LYRM4: variants seen among roughly 807,000 people sequenced by gnomAD.
LYRM4 encodes the protein LYR motif-containing protein 4.
LYRM4 carries 9 observed loss-of-function variants against 11.7 expected under a neutral mutation model. The ratio of observed to expected loss-of-function variants is 0.77; its 90% CI spans 0.46 to 1.34. The LOEUF (loss-of-function observed/expected upper bound fraction) is 1.34, where lower values mean the gene tolerates loss of function less well. LYRM4 is among the 40% of genes most tolerant of loss of function. LYRM4 has a pLI of 0.00. For missense variants in LYRM4, 133 were observed against 112.5 expected (o/e 1.18, Z -0.82); for synonymous variants, 42 against 40.4 (o/e 1.04, Z -0.15).
At chr6:5,106,005 G>A (rs924199642), downstream of LYRM4, 3 of 152,258 alleles carry the variant, frequency 2.0e-5, no homozygotes, top group African/African-American at 7.2e-5. Flanking sequence ...GGCTTTGCAT[G>A]TGCTGTTCCT....
intron 1 of LYRM4, among the ~76,000 whole-genome samples, chr6:5,252,122 C>A (rs1009940335): frequency 3.9e-5 from 6 of 152,282 alleles, no homozygotes; most frequent in Middle Eastern, 3.4e-3. Context: ...ACTCATGAAA[C>A]TAGGGAGCCT....
intron 1 of LYRM4, among the ~76,000 whole-genome samples, chr6:5,219,226 A>G (rs1488279799): frequency 2.6e-5 from 4 of 152,198 alleles, no homozygotes; most frequent in African/African-American, 7.2e-5. Flanking sequence ...GTTTAAGGAA[A>G]TGAGAAAATA....
chr6:5,216,925 T>A (rs997074120), intron 1 of LYRM4, among the ~76,000 whole-genome samples, 187 bp from the exon 2 acceptor site: 1 of 152,242 alleles, frequency 6.6e-6, no homozygotes, highest in Admixed American at 6.5e-5. Flanking sequence ...CAAACAGATT[T>A]AGGAAAATAA....
intron 2 of LYRM4, among the ~76,000 whole-genome samples, chr6:5,171,687 A>C (rs997348135): frequency 6.6e-6 from 1 of 152,208 alleles, no homozygotes; most frequent in Non-Finnish European, 1.5e-5. Context: ...TAAGAGTCTA[A>C]CGTGCTGACA....
downstream of LYRM4, among the ~76,000 whole-genome samples, chr6:5,100,407 C>G (rs1762463715): frequency 6.6e-6 from 1 of 152,320 alleles, no homozygotes; most frequent in Admixed American, 6.5e-5. Flanking sequence ...TCTCTTCTCC[C>G]CTGTCTACAT....
the LYRM4 span, among the ~76,000 whole-genome samples, chr6:5,079,560 C>T: frequency 5.9e-5 from 9 of 152,084 alleles, no homozygotes; most frequent in Admixed American, 2.0e-4. Context: ...TCATAGGAAG[C>T]GTCACATATT....
intron 2 of LYRM4, among the ~76,000 whole-genome samples, chr6:5,138,545 T>A (rs535050180): frequency 7.5e-6 from 1 of 133,700 alleles, no homozygotes; most frequent in African/African-American, 2.9e-5. Context: ...CTTAAAGAAT[T>A]TTTATCAGTA....
chr6:5,214,249 A>G (rs199944642), intron 2 of LYRM4, among the ~76,000 whole-genome samples: 20 of 103,994 alleles, frequency 1.9e-4, no homozygotes, highest in Non-Finnish European at 4.1e-4. Flanking sequence ...GTGTGGTCCC[A>G]GGGGGGCCCC....
At chr6:5,150,085 G>A (rs1315490963) in intron 2 of LYRM4, among the ~76,000 whole-genome samples, 1 of 152,180 alleles carries the variant, frequency 6.6e-6, no homozygotes, top group East Asian at 1.9e-4. Context: ...CCTTGTTTCA[G>A]GCTACAGTAA....
At chr6:5,076,296 T>C in the LYRM4 span, among the ~76,000 whole-genome samples, 5 of 152,194 alleles carry the variant, frequency 3.3e-5, no homozygotes, top group African/African-American at 1.2e-4. Context: ...TTTTTGTTTG[T>C]TTCCCTTTGA....
intron 2 of LYRM4, among the ~76,000 whole-genome samples, chr6:5,122,713 C>T (rs1763513731): frequency 6.6e-6 from 1 of 152,230 alleles, no homozygotes; most frequent in Admixed American, 6.5e-5. Context: ...GGCAGCTGTC[C>T]TACCTCTGCG....
chr6:5,191,884 A>G (rs1020917936), intron 2 of LYRM4, among the ~76,000 whole-genome samples: 130 of 152,332 alleles, frequency 8.5e-4, no homozygotes, highest in African/African-American at 3.0e-3. Context: ...GAAGAATGCC[A>G]TATTACTTAC....
chr6:5,194,389 T>C (rs1760936187), intron 2 of LYRM4, among the ~76,000 whole-genome samples: 1 of 152,156 alleles, frequency 6.6e-6, no homozygotes, highest in African/African-American at 2.4e-5. Context: ...TGAACAGGCA[T>C]ACCCTGGTGT....
intron 2 of LYRM4, among the ~76,000 whole-genome samples, chr6:5,213,622 T>G (rs552046356): frequency 4.6e-5 from 7 of 152,272 alleles, no homozygotes; most frequent in Non-Finnish European, 7.4e-5. Context: ...AGGGTTAATA[T>G]GTCACGATCC....
At chr6:5,085,205 C>T in the LYRM4 span, 2 of 434,710 alleles carry the variant, frequency 4.6e-6, no homozygotes, top group African/African-American at 2.1e-5. Context: ...CGCCTCCCCG[C>T]CCCCGGCCCT....
intron 2 of LYRM4, among the ~76,000 whole-genome samples, chr6:5,168,152 A>C (rs1759201740): frequency 6.6e-6 from 1 of 151,908 alleles, no homozygotes; most frequent in Non-Finnish European, 1.5e-5. Flanking sequence ...GAGAGGAAGG[A>C]GGAAAGAAGA....
At chr6:5,175,366 T>C (rs1759657114) in intron 2 of LYRM4, among the ~76,000 whole-genome samples, 1 of 152,198 alleles carries the variant, frequency 6.6e-6, no homozygotes, top group African/African-American at 2.4e-5. Context: ...GGCCTTCTAG[T>C]CAGCCACAGC....
At chr6:5,233,339 G>A (rs1373845196) in intron 1 of LYRM4, among the ~76,000 whole-genome samples, 1 of 152,226 alleles carries the variant, frequency 6.6e-6, no homozygotes, top group Admixed American at 6.5e-5. Flanking sequence ...CTAGTCCTAA[G>A]TGAGGAAGAA....
the LYRM4 span, chr6:5,085,593 G>C: frequency 1.3e-4 from 204 of 1,546,382 alleles, 1 homozygote; most frequent in African/African-American, 2.6e-3. Context: ...CCTGTGTGCA[G>C]GGTGGCGGCG....
Sources: gnomAD v4.1 joint callset for allele counts (sites outside exome capture counted in the v4.1 genomes callset) on GRCh38, gnomAD v4.1.1 for gene constraint, MANE v1.5 for transcripts, NCBI Gene and HGNC (gene_info 2026-07-23, HGNC 2026-07-21) for gene names.